MFF: variants seen among roughly 807,000 people sequenced by gnomAD.
The protein encoded by MFF is mitochondrial fission factor, also known as chromosome 2 open reading frame 33.
In MFF, 12 loss-of-function variants were observed where a neutral mutation model predicts 36.9. The ratio of observed to expected loss-of-function variants is 0.33; its 90% confidence interval spans 0.21 to 0.53. MFF has a LOEUF of 0.53. Among genes scored for constraint, MFF ranks in the 20% least tolerant of loss-of-function variants. MFF has a pLI of 0.95. For missense variants in MFF, 348 were observed against 366.6 expected (o/e 0.95, Z 0.42); for synonymous variants, 99 against 126.2 (o/e 0.78, Z 1.44).
chr2:227,343,910 C>G (rs979469215), intron 5 of MFF, among the ~76,000 whole-genome samples: 2 of 152,156 alleles, frequency 1.3e-5, no homozygotes, highest in Admixed American at 1.3e-4. Flanking sequence ...GCCCCAGTCT[C>G]CCAAGTAGTT....
intron 7 of MFF, among the ~76,000 whole-genome samples, chr2:227,355,086 C>T (rs1398583918): frequency 6.6e-6 from 1 of 152,048 alleles, no homozygotes; most frequent in African/African-American, 2.4e-5. Flanking sequence ...ACTTGAACCC[C>T]AGAGGTGGAG....
chr2:227,327,250 A>C (rs7576510), intron 1 of MFF, among the ~76,000 whole-genome samples: 145,811 of 152,184 alleles, frequency 0.96, 70,080 homozygotes, highest in East Asian at 1. Flanking sequence ...AAGTAGAAAT[A>C]TGAAATCATC....
intron 4 of MFF, among the ~76,000 whole-genome samples, chr2:227,337,722 C>T (rs7568293): frequency 0.96 from 145,867 of 152,242 alleles, 70,106 homozygotes; most frequent in East Asian, 1. Flanking sequence ...AAGTGCATAA[C>T]CACTGAAGGA....
At chr2:227,329,818 T>C (rs773045006) in intron 2 of MFF, 7 of 1,421,244 alleles carry the variant, frequency 4.9e-6, no homozygotes, top group East Asian at 2.3e-5. Context: ...GCTGGTATTA[T>C]AGGTTTGAGA....
chr2:227,325,302 C>A lies in MFF; in HGVS notation c.-278C>A, dbSNP rs746736381. 3.2e-5 allele frequency: 5 copies of A among 156,364 alleles called. No homozygotes were observed. The highest frequency in any genetic ancestry group is 2.8e-5 in the Non-Finnish European group (2 of 70,234). 9.7% of individuals were successfully genotyped at this position (156,364 alleles called of 1,614,324 possible). A position where few individuals can be genotyped will look rare whatever the true frequency, so the allele number is the denominator to read the frequency against. ...GCTTCTGCCCTGGCCCTCTGCGGGCCGCTCCGCCGGTGCTGTCCCTGGGCG... is the reference window on the plus strand; with the variant it reads ...GCTTCTGCCCTGGCCCTCTGCGGGCAGCTCCGCCGGTGCTGTCCCTGGGCG... On this transcript the variant is annotated 5_prime_UTR_variant, in exon 1 of 9. Transcript: ENST00000304593.
intron 1 of MFF, among the ~76,000 whole-genome samples, chr2:227,328,436 A>T (rs983979823): frequency 6.6e-6 from 1 of 152,172 alleles, no homozygotes; most frequent in Non-Finnish European, 1.5e-5. Context: ...CTAAATACAA[A>T]TCAGAAACAA....
rs1194864657 is a variant in MFF, at chr2:227,356,998, A to T, written c.757A>T (p.Asn253Tyr). 1 of 1,612,716 alleles carries T rather than the reference A, an allele frequency of 6.2e-7. No individual in the cohort carries two copies. The highest frequency in any genetic ancestry group is 8.5e-7 in the Non-Finnish European group (1 of 1,179,024). ...ASLRRQIIKLNRRLQLLEEEN... is the reference protein window; with the variant it reads ...ASLRRQIIKLYRRLQLLEEEN... ...GTTTTTCACTTAGATAATCAAACTAAATAGACGTCTACAACTTCTGGAAGA... is the reference window on the plus strand; with the variant it reads ...GTTTTTCACTTAGATAATCAAACTATATAGACGTCTACAACTTCTGGAAGA... The change falls in exon 9 of 9, where the codon AAT becomes TAT. Residue 253 changes from asparagine to tyrosine, a missense_variant. Asn to Tyr is a moderately radical substitution (Grantham distance 143). Transcript: ENST00000304593.
chr2:227,357,695 A>T lies in MFF; in HGVS notation c.*578A>T, dbSNP rs1330653214. ...CATTGCAGCAGTTTCATATGTGTGC[A>T]ATATGTGCATTCTTTCATTTTAGTT... On this transcript the variant is annotated 3_prime_UTR_variant, in exon 9 of 9. Transcript: ENST00000304593. 1 of 152,328 alleles carries T rather than the reference A, an allele frequency of 6.6e-6. No individual in the cohort carries two copies. Among genetic ancestry groups the T allele is most frequent in the African/African-American group, 2.4e-5 (1 of 41,480 alleles). 9.4% of individuals were successfully genotyped at this position (152,328 alleles called of 1,614,324 possible).
Position 227,332,750 on chromosome 2 carries a change from A to G in MFF, c.351+162A>G, listed in dbSNP as rs183796668. ...TTACAAATGTGCCAAATAAGTTATT[A>G]TGCTATTTTTAAAATTTGAATATTA... On this transcript the variant is annotated intron_variant, in intron 4 of 8. Transcript: ENST00000304593. Among the ~76,000 whole-genome samples, 58 of 152,364 alleles carry G rather than the reference A, an allele frequency of 3.8e-4. No individual in the cohort carries two copies. In the East Asian group the frequency reaches 0.011, roughly 29 times the overall value.
intron 7 of MFF, among the ~76,000 whole-genome samples, chr2:227,354,626 G>A (rs1225679496): frequency 1.3e-5 from 2 of 152,162 alleles, no homozygotes; most frequent in African/African-American, 2.4e-5. Flanking sequence ...TTTTTCAGAG[G>A]TTTAGTGTCA....
At chr2:227,327,073 A>C (rs986780002) in intron 1 of MFF, among the ~76,000 whole-genome samples, 2 of 152,174 alleles carry the variant, frequency 1.3e-5, no homozygotes, top group African/African-American at 4.8e-5. Flanking sequence ...GCCATGGTTT[A>C]AGGTAGTGAT....
chr2:227,341,171 C>G (rs950856068), intron 5 of MFF, among the ~76,000 whole-genome samples: 1 of 151,948 alleles, frequency 6.6e-6, no homozygotes, highest in Admixed American at 6.6e-5. Context: ...AACTAGAGGA[C>G]AATACAGTGA....
chr2:227,333,234 G>A (rs2074733161), intron 4 of MFF, among the ~76,000 whole-genome samples: 1 of 152,174 alleles, frequency 6.6e-6, no homozygotes, highest in Admixed American at 6.5e-5. Flanking sequence ...GCAAACATAT[G>A]TTTTTATTAA....
chr2:227,334,735 C>T (rs1263162473), intron 4 of MFF, among the ~76,000 whole-genome samples: 1 of 152,128 alleles, frequency 6.6e-6, no homozygotes, highest in Non-Finnish European at 1.5e-5. Context: ...CTACAAGATG[C>T]CATTACCGTC....
At chr2:227,329,590 T>C (rs1182040322) in intron 2 of MFF, 2 of 615,812 alleles carry the variant, frequency 3.2e-6, no homozygotes, top group Non-Finnish European at 5.9e-6. Flanking sequence ...TGATTTTTAT[T>C]CTTTCTTTTT....
chr2:227,335,698 A>G (rs370898268), intron 4 of MFF, among the ~76,000 whole-genome samples: 23 of 152,230 alleles, frequency 1.5e-4, no homozygotes, highest in African/African-American at 5.5e-4. Context: ...AAGCAGTTGT[A>G]CTTGAGTTCT....
rs1175464581 is a variant in MFF, at chr2:227,330,490, G to T, written c.-40-136G>T. ...ACATTTTCTTTCATCTTTTATTTTT[G>T]CTTTGTATGTGTTCAGTACTTGCAA... On this transcript the variant is annotated intron_variant, in intron 2 of 8. Transcript: ENST00000304593. 17 of 584,218 alleles carry T rather than the reference G, an allele frequency of 2.9e-5. No individual in the cohort carries two copies. The Admixed American group carries it at 3.5e-4, about 12-fold the overall frequency. 36.2% of individuals were successfully genotyped at this position (584,218 alleles called of 1,614,324 possible).
At chr2:227,345,130 A>G (rs2106423015) in intron 5 of MFF, among the ~76,000 whole-genome samples, 1 of 152,308 alleles carries the variant, frequency 6.6e-6, no homozygotes, top group Non-Finnish European at 1.5e-5. Context: ...TGACTATTTT[A>G]TAAGATGACC....
intron 5 of MFF, chr2:227,342,699 T>A: frequency 6.8e-7 from 1 of 1,469,260 alleles, no homozygotes; most frequent in South Asian, 1.2e-5. Context: ...TTTTTCTTTG[T>A]GTTATAAAAG....
Sources: allele counts gnomAD v4.1 joint callset (sites outside exome capture counted in the v4.1 genomes callset), GRCh38; gene constraint gnomAD v4.1.1; transcripts MANE v1.5; gene names NCBI Gene and HGNC (gene_info 2026-07-23, HGNC 2026-07-21).